The following UBA6 variants were observed in gnomAD, a reference collection of about 807,000 sequenced individuals.
UBA6 encodes ubiquitin-like modifier-activating enzyme 6.
In UBA6, 87 loss-of-function variants were observed where a neutral mutation model predicts 148.3. That is an observed-to-expected ratio of 0.59 (90% CI 0.49 to 0.70). The LOEUF is 0.70. UBA6 is among the 30% of genes least tolerant of loss of function. The probability of loss-of-function intolerance (pLI) is 0.00; values close to 1 mark genes in which losing one functional copy is unlikely to be tolerated. For synonymous variants in UBA6, 376 were observed against 401.0 expected, an observed-to-expected ratio of 0.94 and a Z score of 0.75; for missense variants, 1,186 against 1,241.2, an observed-to-expected ratio of 0.96 and a Z score of 0.67.
intron 5 of UBA6, among the ~76,000 whole-genome samples, chr4:67,677,938 A>G (rs796147518): frequency 6.3e-4 from 95 of 151,658 alleles, no homozygotes; most frequent in African/African-American, 2.2e-3. Flanking sequence ...AAACCACACA[A>G]TCTCAAAGTG....
At chr4:67,665,523 C>T (rs539799777) in intron 9 of UBA6, among the ~76,000 whole-genome samples, 1 of 146,324 alleles carries the variant, frequency 6.8e-6, no homozygotes, top group South Asian at 2.2e-4. Context: ...TTAAAAATAA[C>T]CAAGGAAACT....
At chr4:67,675,766 GGAAAGGAAAA>G (rs149106764) in intron 6 of UBA6, among the ~76,000 whole-genome samples, 34,505 of 150,400 alleles carry the variant, frequency 0.23, 4,080 homozygotes, top group Middle Eastern at 0.3. Context: ...AAAGAAGAAA[GGAAAGGAAAA>G]GAAAGGAAAA....
intron 7 of UBA6, among the ~76,000 whole-genome samples, chr4:67,672,681 G>A (rs1200032448): frequency 6.6e-6 from 1 of 151,880 alleles, no homozygotes; most frequent in Non-Finnish European, 1.5e-5. Flanking sequence ...CTCTATTTTG[G>A]TCCTGTTTGC....
rs1301169092 is a variant in UBA6 at position 67,629,041 on chromosome 4, T to C, written c.2400+30A>G. ...GGTACAAGTCCAAATTCCCAAACTA[T>C]TTGCTGAATGAATGATTTTTTAAAC... On this transcript the variant is annotated intron_variant, in intron 27 of 32. Coordinates refer to ENST00000322244, the MANE Select transcript of UBA6 (RefSeq NM_018227.6). 3 of 1,494,498 alleles carry C rather than the reference T, an allele frequency of 2.0e-6. No homozygotes were observed. In the South Asian group the frequency reaches 3.4e-5, roughly 17 times the overall value. The allele number at this position is 1,494,498 out of a possible 1,614,324, so 92.6% of individuals were successfully genotyped here.
intron 2 of UBA6, among the ~76,000 whole-genome samples, chr4:67,692,092 C>T (rs940013343): frequency 4.0e-5 from 6 of 151,898 alleles, no homozygotes; most frequent in Admixed American, 1.3e-4. Context: ...GTGATTTGTG[C>T]GATTTTGGTG....
chr4:67,691,155 G>C (rs1560503226), intron 2 of UBA6, among the ~76,000 whole-genome samples: 1 of 151,524 alleles, frequency 6.6e-6, no homozygotes, highest in Non-Finnish European at 1.5e-5. Context: ...AAAACTCACG[G>C]ATGAACTTTG....
At chr4:67,667,033 C>T (rs978197511) in intron 9 of UBA6, among the ~76,000 whole-genome samples, 1 of 152,132 alleles carries the variant, frequency 6.6e-6, no homozygotes, top group African/African-American at 2.4e-5. Flanking sequence ...TCATCTCTCC[C>T]TCCAAAGAAT....
chr4:67,655,372 A>C (rs530421504), intron 13 of UBA6, among the ~76,000 whole-genome samples: 3 of 152,364 alleles, frequency 2.0e-5, no homozygotes, highest in Admixed American at 2.0e-4. Flanking sequence ...ATTAGAACTC[A>C]GGATTAAGAA....
intron 32 of UBA6, among the ~76,000 whole-genome samples, chr4:67,621,077 C>T (rs190734056): frequency 3.9e-5 from 6 of 152,216 alleles, no homozygotes; most frequent in East Asian, 3.9e-4. Context: ...AATAACCTGC[C>T]GCAAATTTTA....
rs139100167 is a variant in UBA6, at chr4:67,678,402, T to TA, written c.353+36dup. Reference sequence around the variant, plus strand: ...AGGAAATATTTTAAGTAAATAAATTTAAAAAAACTCATGATAATACATCAA... The same window carrying TA: ...AGGAAATATTTTAAGTAAATAAATTTAAAAAAAACTCATGATAATACATCAA... On this transcript the variant is annotated intron_variant, in intron 5 of 32. Transcript: ENST00000322244. The TA allele has an allele frequency of 5.5e-4, 740 of 1,334,972 alleles. 7 individuals carry two copies. In the East Asian group the frequency reaches 0.016, roughly 29 times the overall value. The allele number at this position is 1,334,972 out of a possible 1,614,324, so 82.7% of individuals were successfully genotyped here.
Position 67,673,734 on chromosome 4 carries a change from A to G in UBA6, c.509T>C (p.Ile170Thr), listed in dbSNP as rs1560496498. ...GCACTGAGAACGGCAAAAGTCATTG[A>G]TCTTCTTCTGCAATGGAAGTTTCAT... Reference protein sequence around the residue: ...TEMKLPLQKKINDFCRSQCPP... With the variant: ...TEMKLPLQKKTNDFCRSQCPP... Residue 170 changes from isoleucine (I) to threonine (T), a missense_variant, in exon 7 of 33, where the codon ATC becomes ACC. Physicochemically the swap from Ile to Thr is moderately conservative, Grantham distance 89. Transcript: ENST00000322244. 1 of 1,612,172 alleles carries G rather than the reference A, an allele frequency of 6.2e-7. No individual in the cohort carries two copies. Among genetic ancestry groups the G allele is most frequent in the South Asian group, 1.1e-5 (1 of 90,940 alleles).
intron 1 of UBA6, among the ~76,000 whole-genome samples, chr4:67,699,627 GTCTC>G (rs768489251): frequency 4.0e-5 from 6 of 151,860 alleles, no homozygotes; most frequent in African/African-American, 9.7e-5. Context: ...TTGAGACAGG[GTCTC>G]TCTCTGTCAC....
intron 32 of UBA6, among the ~76,000 whole-genome samples, chr4:67,620,109 C>T (rs1216082647): frequency 6.6e-6 from 1 of 152,062 alleles, no homozygotes; most frequent in Non-Finnish European, 1.5e-5. Context: ...TTCCACCATT[C>T]ATGATCATCA....
rs892870260 is a variant in UBA6, at chr4:67,635,487, A to T, written c.1808T>A (p.Ile603Asn). ...GTAAGACTCAGTCAAATGCGGTACAATAACTTCAGTGTGTCCCTTAGTGCC... is the reference window on the plus strand; with the variant it reads ...GTAAGACTCAGTCAAATGCGGTACATTAACTTCAGTGTGTCCCTTAGTGCC... The part of the protein sequence containing the change: ...TMGTKGHTEV[I>N]VPHLTESYNS... The change falls in exon 20 of 33, where the codon ATT becomes AAT. Residue 603 changes from isoleucine to asparagine, a missense_variant. Transcript: ENST00000322244. The T allele has an allele frequency of 6.2e-7, 1 of 1,611,628 alleles. No individual in the cohort carries two copies. Among genetic ancestry groups the T allele is most frequent in the Admixed American group, 1.7e-5 (1 of 60,012 alleles).
At chr4:67,692,193 T>G (rs1730710174) in intron 2 of UBA6, among the ~76,000 whole-genome samples, 1 of 152,038 alleles carries the variant, frequency 6.6e-6, no homozygotes, top group African/African-American at 2.4e-5. Context: ...TAAAAAAAAG[T>G]CAGACACAAC....
intron 2 of UBA6, among the ~76,000 whole-genome samples, chr4:67,688,119 A>T (rs777592690): frequency 6.6e-6 from 1 of 152,232 alleles, no homozygotes; most frequent in South Asian, 2.1e-4. Context: ...AGACCTAGGA[A>T]TGTCCTGATT....
chr4:67,658,187 C>T (rs1045342084), intron 13 of UBA6, among the ~76,000 whole-genome samples: 16 of 152,182 alleles, frequency 1.1e-4, no homozygotes, highest in African/African-American at 3.9e-4. Context: ...AATGCCATTA[C>T]TGGGTATACA....
At chr4:67,679,921 CA>C (rs1487855915) in intron 4 of UBA6, among the ~76,000 whole-genome samples, 2 of 152,022 alleles carry the variant, frequency 1.3e-5, no homozygotes, top group Non-Finnish European at 2.9e-5. Flanking sequence ...AAGAGAACCA[CA>C]ATAACCAAAG....
At chr4:67,666,339 ATATAT>A (rs966958979) in intron 9 of UBA6, among the ~76,000 whole-genome samples, 2 of 151,200 alleles carry the variant, frequency 1.3e-5, no homozygotes, top group African/African-American at 2.4e-5. Context: ...CCTTTACTTA[ATATAT>A]TATATAATAC....
Sources: allele counts gnomAD v4.1 joint callset (sites outside exome capture counted in the v4.1 genomes callset), GRCh38; gene constraint gnomAD v4.1.1; transcripts MANE v1.5; gene names NCBI Gene and HGNC (gene_info 2026-07-23, HGNC 2026-07-21).